Variants in NCOA7 observed in about 807,000 individuals in gnomAD.
The protein encoded by NCOA7 is 140 kDa estrogen receptor-associated protein.
NCOA7 carries 45 observed loss-of-function variants against 104.3 expected under a neutral mutation model. The ratio of observed to expected loss-of-function variants is 0.43; its 90% CI spans 0.34 to 0.55. The LOEUF is 0.55. NCOA7 is among the 20% of genes least tolerant of loss of function. The pLI is 0.02. For synonymous variants in NCOA7, 398 were observed against 402.3 expected (o/e 0.99, Z 0.13); for missense variants, 1,041 against 1,119.7 (o/e 0.93, Z 1.00).
At position 125,804,527 on chromosome 6, in the gene NCOA7, G is replaced by C. The variant is rs988172496; in HGVS notation, c.-64-10764G>C. ...AGGAGATGAGATCAGCAGATAGATT[G>C]TTCTGTTTTCATTACCTCCAGTAAC... On this transcript the variant is annotated intron_variant, in intron 1 of 15. Coordinates refer to ENST00000392477, the MANE Select transcript of NCOA7 (RefSeq NM_181782.5). 7.2e-5 allele frequency among the ~76,000 whole-genome samples: 11 copies of C among 152,136 alleles called. 1 individual carries two copies. Among genetic ancestry groups the C allele is most frequent in the Non-Finnish European group, 1.5e-4 (10 of 68,016 alleles).
chr6:125,898,974 CT>C (rs944706249), intron 10 of NCOA7, among the ~76,000 whole-genome samples: 2 of 152,002 alleles, frequency 1.3e-5, no homozygotes, highest in African/African-American at 4.8e-5. Flanking sequence ...GCCTTTTAGC[CT>C]TTCTTTCAAT....
At chr6:125,840,980 C>A (rs1486007990) in intron 2 of NCOA7, among the ~76,000 whole-genome samples, 1 of 137,668 alleles carries the variant, frequency 7.3e-6, no homozygotes, top group African/African-American at 2.7e-5. Flanking sequence ...GCAACCTCTG[C>A]CACCCAGGTT....
chr6:125,916,391 GT>G (rs1463255563), intron 11 of NCOA7, among the ~76,000 whole-genome samples: 3 of 152,158 alleles, frequency 2.0e-5, no homozygotes, highest in Admixed American at 2.0e-4. Context: ...TACACAAGCT[GT>G]AGTTTGCCAG....
At chr6:125,856,482 A>T (rs1192310481) in intron 3 of NCOA7, among the ~76,000 whole-genome samples, 1 of 152,040 alleles carries the variant, frequency 6.6e-6, no homozygotes, top group African/African-American at 2.4e-5. Context: ...CCTCCCGAGT[A>T]GCTGGGACTA....
chr6:125,856,786 C>T (rs116019177), intron 3 of NCOA7, among the ~76,000 whole-genome samples: 3 of 152,110 alleles, frequency 2.0e-5, no homozygotes, highest in South Asian at 2.1e-4. Context: ...ACTGCAAATA[C>T]GGTAAATGAA....
Position 125,885,409 on chromosome 6 carries a change from G to T in NCOA7, c.884+66G>T, listed in dbSNP as rs1784175049. The T allele has an allele frequency of 4.0e-6, 6 of 1,516,986 alleles. No individual in the cohort carries two copies. The Admixed American group carries it at 6.9e-5, about 18-fold the overall frequency. The allele number at this position is 1,516,986 out of a possible 1,614,324, so 94.0% of individuals were successfully genotyped here. ...AGAGAGCTAAATGTAGCTTAAAAAT[G>T]AGGGCATTTGCATGATTGAGGGATT... is the stretch of plus-strand genomic sequence containing the variant. On this transcript the variant is annotated intron_variant, in intron 8 of 15. Coordinates refer to ENST00000392477, the MANE Select transcript of NCOA7 (RefSeq NM_181782.5).
At chr6:125,842,493 A>G (rs902611710) in intron 2 of NCOA7, among the ~76,000 whole-genome samples, 2 of 152,244 alleles carry the variant, frequency 1.3e-5, no homozygotes, top group African/African-American at 4.8e-5. Context: ...TTGAGTAGTC[A>G]GAGAATACAG....
chr6:125,794,866 G>C (rs554555179), intron 1 of NCOA7, among the ~76,000 whole-genome samples: 44 of 152,270 alleles, frequency 2.9e-4, no homozygotes, highest in African/African-American at 1.0e-3. Flanking sequence ...AGTTTCAATA[G>C]AATAAAGTCA....
At chr6:125,907,458 C>G (rs1463621943) in intron 10 of NCOA7, among the ~76,000 whole-genome samples, 2 of 152,148 alleles carry the variant, frequency 1.3e-5, no homozygotes, top group Non-Finnish European at 2.9e-5. Context: ...CTGTGAGTCC[C>G]TCATCAGCGG....
In NCOA7 at chr6:125,890,689, C is replaced by T. The variant is rs1360496791; in HGVS notation, c.1975C>T (p.Leu659=). 3.1e-6 allele frequency: 5 copies of T among 1,613,554 alleles called. No individual in the cohort carries two copies. In the African/African-American group the frequency reaches 5.3e-5, roughly 17 times the overall value. The part of the protein sequence containing the change: ...EEKSKTPPMF[L]CIKVGKPMRK... Reference sequence around the variant, plus strand: ...AAAAAGCAAGACCCCACCCATGTTCCTGTGCATCAAAGTGGGAAAACCAAT... The same window carrying T: ...AAAAAGCAAGACCCCACCCATGTTCTTGTGCATCAAAGTGGGAAAACCAAT... The change falls in exon 10 of 16, where the codon CTG becomes TTG. Residue 659 remains leucine (L), a synonymous_variant. Transcript: ENST00000392477.
At chr6:125,852,084 C>T (rs1781178998) in intron 2 of NCOA7, among the ~76,000 whole-genome samples, 1 of 152,004 alleles carries the variant, frequency 6.6e-6, no homozygotes, top group South Asian at 2.1e-4. Context: ...TGTTGTTGTG[C>T]AGAAGCTTTT....
rs773762820 is a variant in NCOA7, at chr6:125,890,683, A to G, written c.1969A>G (p.Met657Val). The G allele has an allele frequency of 3.7e-6, 6 of 1,613,610 alleles. No homozygotes were observed. The highest frequency in any genetic ancestry group is 5.1e-6 in the Non-Finnish European group (6 of 1,179,820). ...AGAAGAAAAAAGCAAGACCCCACCC[A>G]TGTTCCTGTGCATCAAAGTGGGAAA... is the stretch of plus-strand genomic sequence containing the variant. ...SKEEKSKTPPMFLCIKVGKPM... is the reference protein window; with the variant it reads ...SKEEKSKTPPVFLCIKVGKPM... Residue 657 changes from methionine (M) to valine (V), a missense_variant, in exon 10 of 16, where the codon ATG becomes GTG. Met to Val is a conservative substitution (Grantham distance 21). Transcript: ENST00000392477.
At chr6:125,837,949 C>T (rs1160576660) in intron 2 of NCOA7, among the ~76,000 whole-genome samples, 2 of 152,170 alleles carry the variant, frequency 1.3e-5, no homozygotes, top group South Asian at 2.1e-4. Context: ...TAAAAAGGGA[C>T]TCCTTCCCAT....
At position 125,865,839 on chromosome 6, in the gene NCOA7, T is replaced by TTTTC. The variant is rs568498594; in HGVS notation, c.272-9030_272-9027dup. Among the ~76,000 whole-genome samples the TTTTC allele has an allele frequency of 2.5e-4, 34 of 134,042 alleles. 6 individuals carry two copies. The highest frequency in any genetic ancestry group is 6.3e-4 in the Admixed American group (9 of 14,180). The allele number at this position is 134,042 out of a possible 152,430, so 87.9% of individuals were successfully genotyped here. A position where few individuals can be genotyped will look rare whatever the true frequency, so the allele number is the denominator to read the frequency against. The stretch of plus-strand genomic sequence containing the variant: ...GCACCACGCCTGGCTAATTTTTATA[T>TTTTC]TTTCTTTCTTTCTTTCTTTCTTTTC... On this transcript the variant is annotated intron_variant, in intron 3 of 15. Transcript: ENST00000392477.
rs554241549 is a variant in NCOA7 at position 125,896,039 on chromosome 6, TATATACATAATAC to T, written c.2096+5248_2096+5260del. On this transcript the variant is annotated intron_variant, in intron 10 of 15. Coordinates refer to ENST00000392477, the MANE Select transcript of NCOA7 (RefSeq NM_181782.5). The stretch of plus-strand genomic sequence containing the variant: ...ATATATATATATTATATAATACATA[TATATACATAATAC>T]ATATACATAATACATATATATATAT... Among the ~76,000 whole-genome samples the T allele has an allele frequency of 7.1e-3, 1,048 of 148,180 alleles. 8 individuals carry two copies. Among genetic ancestry groups the T allele is most frequent in the Middle Eastern group, 0.011 (3 of 280 alleles).
chr6:125,865,649 T>C (rs532733053), intron 3 of NCOA7, among the ~76,000 whole-genome samples: 1 of 136,956 alleles, frequency 7.3e-6, no homozygotes, highest in Admixed American at 6.9e-5. Context: ...GTTATTTCTT[T>C]TTAAAGTTTA....
At chr6:125,900,084 G>A (rs1456324521) in intron 10 of NCOA7, 1 of 529,480 alleles carries the variant, frequency 1.9e-6, no homozygotes, top group South Asian at 1.4e-5. Flanking sequence ...TGGAATGGGG[G>A]TAAAGGAAGC....
At chr6:125,917,346 C>T (rs1183499201) in intron 11 of NCOA7, among the ~76,000 whole-genome samples, 2 of 152,110 alleles carry the variant, frequency 1.3e-5, no homozygotes, top group African/African-American at 4.8e-5. Context: ...ATCTACCTTC[C>T]TCATCACTGC....
At chr6:125,895,576 A>T (rs1784937455) in intron 10 of NCOA7, among the ~76,000 whole-genome samples, 1 of 152,148 alleles carries the variant, frequency 6.6e-6, no homozygotes, top group Admixed American at 6.6e-5. Context: ...AATACCTGTG[A>T]CTGGTTAATT....
Sources: allele counts gnomAD v4.1 joint callset (sites outside exome capture counted in the v4.1 genomes callset), GRCh38; gene constraint gnomAD v4.1.1; transcripts MANE v1.5; gene names NCBI Gene and HGNC (gene_info 2026-07-23, HGNC 2026-07-21).